Variants in ERAP1 observed in about 807,000 individuals in gnomAD.
ERAP1 encodes adipocyte-derived leucine aminopeptidase.
ERAP1 carries 86 observed loss-of-function variants against 103.7 expected under a neutral mutation model. The observed-to-expected ratio is 0.83, with a 90% CI of 0.70 to 0.99. The LOEUF is 0.99. Among genes scored for constraint, ERAP1 ranks in the 50% least tolerant of loss-of-function variants. The pLI, the probability that ERAP1 is intolerant of heterozygous loss-of-function variation, is 0.00. For missense variants in ERAP1, 1,009 were observed against 1,128.4 expected (o/e 0.89, Z 1.52); for synonymous variants, 398 against 402.4 (o/e 0.99, Z 0.13).
At chr5:96,934,829 G>C in the ERAP1 span, 1 of 152,588 alleles carries the variant, frequency 6.6e-6, no homozygotes, top group Non-Finnish European at 1.5e-5. Context: ...CCCGAGCCAA[G>C]TCAATGCAGG....
In ERAP1 at chr5:96,785,863, AG is replaced by A. The variant is rs774316994; in HGVS notation, c.1867del (p.Leu623PhefsTer2). The A allele has an allele frequency of 6.2e-7, 1 of 1,614,166 alleles. No individual in the cohort carries two copies. The highest frequency in any genetic ancestry group is 1.7e-5 in the Admixed American group (1 of 60,032). ...EDDGWDSLTGLLKGTHTAVSS... is the reference protein window; with the variant it reads ...EDDGWDSLTGXLKGTHTAVSS... ...GACTGCTGTGTGTGTTCCTTTTAAA[AG>A]GCCAGTCAAAGAGTCCCATCCATCA... On this transcript the variant is annotated frameshift_variant, in exon 13 of 19. Coordinates refer to ENST00000443439, the MANE Select transcript of ERAP1 (RefSeq NM_001040458.3). LOFTEE classifies it high-confidence loss of function.
At chr5:96,788,784 C>T in intron 10 of ERAP1, 99 bp from the exon 11 acceptor site, 1 of 1,459,070 alleles carries the variant, frequency 6.9e-7, no homozygotes, top group South Asian at 1.2e-5. Context: ...TACCAGTTGC[C>T]AACCTCCCCT....
chr5:96,777,211 C>T (rs1331880395), intron 18 of ERAP1, among the ~76,000 whole-genome samples: 1 of 152,140 alleles, frequency 6.6e-6, no homozygotes, highest in Non-Finnish European at 1.5e-5. Context: ...CTTAATTCAC[C>T]CCTTGAGCTC....
At chr5:96,823,052 G>T in the ERAP1 span, 33 of 456,158 alleles carry the variant, frequency 7.2e-5, no homozygotes, top group African/African-American at 4.8e-4. Flanking sequence ...GTTGACTGGA[G>T]GCCGCCCTCA....
At position 96,793,525 on chromosome 5, in the gene ERAP1, A is replaced by C; in HGVS notation, c.1075-12T>G. On this transcript the variant is annotated splice_polypyrimidine_tract_variant and intron_variant, in intron 6 of 18. Coordinates refer to ENST00000443439, the MANE Select transcript of ERAP1 (RefSeq NM_001040458.3). ...AGGTTCCCAAACCACTAAAAGCACA[A>C]CATAAGCCATAAACAAAGACACTCA... The C allele has an allele frequency of 6.3e-7, 1 of 1,586,304 alleles. No homozygotes were observed. Among genetic ancestry groups the C allele is most frequent in the Non-Finnish European group, 8.7e-7 (1 of 1,154,762 alleles).
intron 18 of ERAP1, among the ~76,000 whole-genome samples, chr5:96,779,747 A>T (rs925591124): frequency 1.8e-4 from 28 of 152,232 alleles, no homozygotes; most frequent in Middle Eastern, 3.2e-3. Flanking sequence ...TTTAGGACTG[A>T]AGAAAAGTCT....
exon 20 of ERAP1, chr5:96,762,920 AT>A (rs1768508681): frequency 2.0e-6 from 1 of 503,122 alleles, no homozygotes; most frequent in South Asian, 2.3e-5. Context: ...TGTTTTAATT[AT>A]TTACATGCTG....
chr5:96,846,779 T>C, the ERAP1 span, among the ~76,000 whole-genome samples: 5 of 149,400 alleles, frequency 3.3e-5, no homozygotes, highest in Admixed American at 2.0e-4. Context: ...AACTCAGAAA[T>C]GGAGAAGCCA....
chr5:96,791,393 C>T (rs528489683), intron 8 of ERAP1, among the ~76,000 whole-genome samples: 14 of 152,240 alleles, frequency 9.2e-5, no homozygotes, highest in Admixed American at 4.6e-4. Flanking sequence ...TGTTTGCTAC[C>T]GGTAAAACAA....
chr5:96,909,944 C>T, the ERAP1 span: 39 of 576,038 alleles, frequency 6.8e-5, no homozygotes, highest in South Asian at 8.3e-4. Context: ...CTAGTACAAT[C>T]TCTACCATGA....
chr5:96,895,404 C>A, the ERAP1 span: 2 of 1,254,826 alleles, frequency 1.6e-6, no homozygotes, highest in Non-Finnish European at 2.3e-6. Flanking sequence ...TGTAAAGAAT[C>A]ATCAATTCAC....
At position 96,800,805 on chromosome 5, in the gene ERAP1, A is replaced by C. The variant is rs1322385576; in HGVS notation, c.663+57T>G. On this transcript the variant is annotated intron_variant, in intron 3 of 18. Coordinates refer to ENST00000443439, the MANE Select transcript of ERAP1 (RefSeq NM_001040458.3). ...ATGTTGACTGTCACTGGGCTAGTGCAAGTCACAGAGAATCAGTAGATTTTC... is the reference window on the plus strand; with the variant it reads ...ATGTTGACTGTCACTGGGCTAGTGCCAGTCACAGAGAATCAGTAGATTTTC... The C allele has an allele frequency of 1.9e-6, 3 of 1,584,210 alleles. No individual in the cohort carries two copies. The African/African-American group carries it at 4.0e-5, about 21-fold the overall frequency.
rs934082402 is a variant in ERAP1, at chr5:96,762,138, A to T, written c.*1062T>A. 9.3e-5 allele frequency: 43 copies of T among 462,290 alleles called. 1 individual carries two copies. Among genetic ancestry groups the T allele is most frequent in the African/African-American group, 7.9e-4 (39 of 49,406 alleles). The allele number at this position is 462,290 out of a possible 1,614,324, so 28.6% of individuals were successfully genotyped here. ...AAGAATTTAAATTTCTTTTAAAATT[A>T]TATGTTATTATGAGTCTATTTGGTC... On this transcript the variant is annotated 3_prime_UTR_variant, in exon 20 of 20. Coordinates refer to the ERAP1 transcript ENST00000296754.
At chr5:96,824,247 C>G in the ERAP1 span, among the ~76,000 whole-genome samples, 9 of 152,336 alleles carry the variant, frequency 5.9e-5, no homozygotes, top group East Asian at 1.9e-4. Flanking sequence ...TGTTCATCCC[C>G]TTGAGAAAAC....
At chr5:96,914,713 T>A in the ERAP1 span, among the ~76,000 whole-genome samples, 6 of 152,162 alleles carry the variant, frequency 3.9e-5, no homozygotes, top group Admixed American at 6.5e-5. Context: ...TTTCCATATA[T>A]AAAACATTGG....
At chr5:96,858,905 T>G in the ERAP1 span, among the ~76,000 whole-genome samples, 2 of 152,146 alleles carry the variant, frequency 1.3e-5, no homozygotes, top group Admixed American at 1.3e-4. Flanking sequence ...TTCCCTGTGT[T>G]CTTGATTCAC....
At chr5:96,873,383 G>A in the ERAP1 span, 1 of 456,184 alleles carries the variant, frequency 2.2e-6, no homozygotes, top group Non-Finnish European at 4.4e-6. Context: ...GATAATCTGA[G>A]GAAGAAAACG....
chr5:96,891,518 CCCATATACG>C, the ERAP1 span, among the ~76,000 whole-genome samples: 3 of 28,806 alleles, frequency 1.0e-4, no homozygotes, highest in Admixed American at 8.6e-4. Context: ...TATATATATG[CCCATATACG>C]GTATATATAC....
chr5:96,899,312 G>A, the ERAP1 span, among the ~76,000 whole-genome samples: 1 of 152,064 alleles, frequency 6.6e-6, no homozygotes, highest in African/African-American at 2.4e-5. Context: ...TTCCCCTAAA[G>A]GTCCTAGATT....
Sources: allele counts gnomAD v4.1 joint callset (sites outside exome capture counted in the v4.1 genomes callset), GRCh38; gene constraint gnomAD v4.1.1; transcripts MANE v1.5; gene names NCBI Gene and HGNC (gene_info 2026-07-23, HGNC 2026-07-21).